The following SCGB2B2 variants were observed in gnomAD, a reference collection of about 807,000 sequenced individuals.
The protein encoded by SCGB2B2 is secretoglobin-like protein.
In SCGB2B2, 11 loss-of-function variants were observed where a neutral mutation model predicts 7.6. The observed-to-expected ratio is 1.45, with a 90% CI of 0.91 to 2.40. The LOEUF is 2.40. Among genes scored for constraint, SCGB2B2 ranks in the 30% most tolerant of loss-of-function variants. The probability of loss-of-function intolerance (pLI) is 0.00; values close to 1 mark genes in which losing one functional copy is unlikely to be tolerated. For synonymous variants in SCGB2B2, 50 were observed against 48.6 expected, an observed-to-expected ratio of 1.03 and a Z score of -0.12; for missense variants, 104 against 115.4, an observed-to-expected ratio of 0.90 and a Z score of 0.45.
At chr19:34,633,233 G>C (rs1260980718) in intron 1 of SCGB2B2, among the ~76,000 whole-genome samples, 1 of 152,156 alleles carries the variant, frequency 6.6e-6, no homozygotes, top group African/African-American at 2.4e-5. Context: ...TTGTCACTTA[G>C]TCACCTGTAT....
chr19:34,658,236 T>C (rs2067336665), intron 1 of SCGB2B2, among the ~76,000 whole-genome samples: 1 of 151,672 alleles, frequency 6.6e-6, no homozygotes, highest in Non-Finnish European at 1.5e-5. Context: ...ATGCAAGAAA[T>C]AACTAAGATC....
At chr19:34,643,447 G>A (rs751136777) in intron 1 of SCGB2B2, among the ~76,000 whole-genome samples, 2 of 152,136 alleles carry the variant, frequency 1.3e-5, no homozygotes, top group Admixed American at 6.5e-5. Context: ...TGAAGAGAGG[G>A]AGGTTAACGC....
chr19:34,635,481 C>T lies in SCGB2B2; in HGVS notation c.-2031-38887G>A, dbSNP rs191861275. On this transcript the variant is annotated intron_variant, in intron 1 of 3. Coordinates refer to ENST00000601241, the MANE Select transcript of SCGB2B2 (RefSeq NM_001025591.4). ...TTTCTTGTGTTGAACAAGATGGGAGCTTTTTCTGTAGGCTTTCCCACATTC... is the reference window on the plus strand; with the variant it reads ...TTTCTTGTGTTGAACAAGATGGGAGTTTTTTCTGTAGGCTTTCCCACATTC... 5.7e-4 allele frequency: 161 copies of T among 281,862 alleles called. 1 individual carries two copies. Among genetic ancestry groups the T allele is most frequent in the African/African-American group, 2.7e-3 (121 of 44,340 alleles). 17.5% of individuals were successfully genotyped at this position (281,862 alleles called of 1,614,324 possible). A position where few individuals can be genotyped will look rare whatever the true frequency, so the allele number is the denominator to read the frequency against.
Position 34,594,608 on chromosome 19 carries a change from G to A in SCGB2B2, c.-45C>T, listed in dbSNP as rs113202182. On this transcript the variant is annotated 5_prime_UTR_variant, in exon 2 of 4. Coordinates refer to ENST00000601241, the MANE Select transcript of SCGB2B2 (RefSeq NM_001025591.4). ...AGCAGGCACAGGCAGGGAATTTGGC[G>A]ATGGGTGAGCTTTATGTATATCTGA... 2.4e-4 allele frequency: 364 copies of A among 1,527,372 alleles called. No homozygotes were observed. The highest frequency in any genetic ancestry group is 4.6e-4 in the Middle Eastern group (2 of 4,314). 94.6% of individuals were successfully genotyped at this position (1,527,372 alleles called of 1,614,324 possible). A position where few individuals can be genotyped will look rare whatever the true frequency, so the allele number is the denominator to read the frequency against.
At chr19:34,589,846 C>A (rs542312460), downstream of SCGB2B2, among the ~76,000 whole-genome samples, 22 of 152,166 alleles carry the variant, frequency 1.4e-4, no homozygotes, top group Admixed American at 8.5e-4. Flanking sequence ...GGATCAGGAG[C>A]CCCCGAGGGC....
intron 1 of SCGB2B2, among the ~76,000 whole-genome samples, chr19:34,672,213 TTTG>T (rs1218725726): frequency 6.9e-6 from 1 of 144,712 alleles, no homozygotes; most frequent in Non-Finnish European, 1.5e-5. Flanking sequence ...TTATCGGTAA[TTTG>T]TTTTTTCTCA....
At chr19:34,668,146 C>T (rs1272458761) in intron 1 of SCGB2B2, among the ~76,000 whole-genome samples, 2 of 152,214 alleles carry the variant, frequency 1.3e-5, no homozygotes, top group South Asian at 2.1e-4. Context: ...CCTTTCTGGG[C>T]TGGCCAAGGC....
At chr19:34,644,373 TTTA>T (rs1442689750) in intron 1 of SCGB2B2, among the ~76,000 whole-genome samples, 1 of 150,154 alleles carries the variant, frequency 6.7e-6, no homozygotes, top group Non-Finnish European at 1.5e-5. Flanking sequence ...TTTTTTTTTT[TTTA>T]CTCTGGTAAA....
chr19:34,594,580 C>A lies in SCGB2B2; in HGVS notation c.-17G>T. 2 of 1,611,560 alleles carry A rather than the reference C, an allele frequency of 1.2e-6. No individual in the cohort carries two copies. Among genetic ancestry groups the A allele is most frequent in the Non-Finnish European group, 1.7e-6 (2 of 1,179,336 alleles). On this transcript the variant is annotated 5_prime_UTR_variant, in exon 2 of 4. Transcript: ENST00000601241. ...CACCCTCATGACAGCGGAGTCTGGT[C>A]CCAGCAGGCACAGGCAGGGAATTTG...
intron 1 of SCGB2B2, among the ~76,000 whole-genome samples, chr19:34,644,140 C>G (rs79801089): frequency 0.013 from 1,974 of 152,262 alleles, 12 homozygotes; most frequent in Non-Finnish European, 0.019. Flanking sequence ...TACGAGCAGA[C>G]AGATAACTAA....
downstream of SCGB2B2, among the ~76,000 whole-genome samples, chr19:34,588,566 T>A (rs934178511): frequency 6.6e-6 from 1 of 152,228 alleles, no homozygotes; most frequent in Non-Finnish European, 1.5e-5. Flanking sequence ...AAGGTAAATG[T>A]CAGGCCTGGT....
In SCGB2B2 at chr19:34,594,545, T is replaced by C. The variant is rs746191350; in HGVS notation, c.19A>G (p.Thr7Ala). MRVTSA[T>A]CALLLALICS... ...ATCAGAGCCAGCAGAAGAGCACAGGTGGCGGATGTCACCCTCATGACAGCG... is the reference window on the plus strand; with the variant it reads ...ATCAGAGCCAGCAGAAGAGCACAGGCGGCGGATGTCACCCTCATGACAGCG... The change falls in exon 2 of 4, where the codon ACC (threonine) becomes GCC (alanine). Residue 7 changes from threonine (T) to alanine (A), a missense_variant. Physicochemically the swap from Thr to Ala is moderately conservative, Grantham distance 58 (BLOSUM62 0). Transcript: ENST00000601241. The C allele has an allele frequency of 1.8e-5, 29 of 1,612,812 alleles. No homozygotes were observed. The East Asian group carries it at 6.0e-4, about 33-fold the overall frequency.
rs200588340 is a variant in SCGB2B2 at position 34,640,090 on chromosome 19, CA to C, written c.-2032+35539del. 5.3e-5 allele frequency among the ~76,000 whole-genome samples: 8 copies of C among 152,014 alleles called. No individual in the cohort carries two copies. The East Asian group carries it at 1.5e-3, about 29-fold the overall frequency. On this transcript the variant is annotated intron_variant, in intron 1 of 3. Transcript: ENST00000601241. ...GGTAGATGATAACCTATGCATCTAA[CA>C]AAACACTTAATAGAATATCATGCAG... is the stretch of plus-strand genomic sequence containing the variant.
chr19:34,593,914 C>T (rs1041805204), intron 3 of SCGB2B2, among the ~76,000 whole-genome samples: 2 of 152,076 alleles, frequency 1.3e-5, no homozygotes, highest in Non-Finnish European at 2.9e-5. Context: ...GATTGTGGTT[C>T]CCTGCATGCC....
intron 1 of SCGB2B2, among the ~76,000 whole-genome samples, chr19:34,625,481 A>C (rs10419529): frequency 0.95 from 145,113 of 152,300 alleles, 69,555 homozygotes; most frequent in Middle Eastern, 0.99. Context: ...TATCCCATGC[A>C]TGGCTCGGAG....
chr19:34,622,162 C>G (rs2145901766), intron 1 of SCGB2B2, among the ~76,000 whole-genome samples: 1 of 152,344 alleles, frequency 6.6e-6, no homozygotes, highest in South Asian at 2.1e-4. Flanking sequence ...TAGCCATCAA[C>G]TCAAGCTCCT....
downstream of SCGB2B2, among the ~76,000 whole-genome samples, chr19:34,587,779 C>T (rs562547247): frequency 6.6e-6 from 1 of 152,132 alleles, no homozygotes; most frequent in Non-Finnish European, 1.5e-5. Context: ...CTGCACCTAT[C>T]GAGATGTTCA....
chr19:34,671,576 T>C (rs2067804252), intron 1 of SCGB2B2, among the ~76,000 whole-genome samples: 1 of 152,198 alleles, frequency 6.6e-6, no homozygotes. Context: ...TGAGAAGAAT[T>C]AGCACATTAA....
At chr19:34,657,264 A>G (rs2067307424) in intron 1 of SCGB2B2, among the ~76,000 whole-genome samples, 1 of 151,214 alleles carries the variant, frequency 6.6e-6, no homozygotes, top group African/African-American at 2.5e-5. Context: ...ATTAACCTTA[A>G]ATGTAAATGG....
Sources: allele counts gnomAD v4.1 joint callset (sites outside exome capture counted in the v4.1 genomes callset), GRCh38; gene constraint gnomAD v4.1.1; transcripts MANE v1.5; gene names NCBI Gene and HGNC (gene_info 2026-07-23, HGNC 2026-07-21).